The following LINC00305 variants were observed in gnomAD, a reference collection of about 807,000 sequenced individuals.
The protein encoded by LINC00305 is long independently transcribed non-coding RNA 305.
chr18:64,103,667 T>C (rs2051277086), intron 1 of LINC00305, among the ~76,000 whole-genome samples: 1 of 152,254 alleles, frequency 6.6e-6, no homozygotes, highest in African/African-American at 2.4e-5. Context: ...CAAATGTGTT[T>C]GAATTTTTAA....
chr18:64,143,295 A>C (rs1429754456), intron 1 of LINC00305, among the ~76,000 whole-genome samples: 1 of 152,090 alleles, frequency 6.6e-6, no homozygotes, highest in African/African-American at 2.4e-5. Context: ...AAGATTAACA[A>C]AGCACCAAGA....
At chr18:64,122,028 GA>G (rs1249465842) in intron 1 of LINC00305, among the ~76,000 whole-genome samples, 1 of 151,860 alleles carries the variant, frequency 6.6e-6, no homozygotes, top group Non-Finnish European at 1.5e-5. Flanking sequence ...TTTTTAATGG[GA>G]TTACTTCTTT....
In LINC00305 at chr18:64,132,113, A is replaced by C. The variant is rs922030810; in HGVS notation, n.314+16662T>G. On this transcript the variant is annotated intron_variant and non_coding_transcript_variant, in intron 1 of 3. Transcript: ENST00000666468. ...TGTAAATTTTTGGCTTAATGTAAAT[A>C]ATTGTTGCATTTATTTACATAAAAA... Among the ~76,000 whole-genome samples the C allele has an allele frequency of 3.3e-5, 5 of 152,216 alleles. No homozygotes were observed. In the South Asian group the frequency reaches 1.0e-3, roughly 32 times the overall value.
chr18:64,143,453 A>T (rs968163085), intron 1 of LINC00305, among the ~76,000 whole-genome samples: 2 of 150,146 alleles, frequency 1.3e-5, no homozygotes, highest in Admixed American at 6.7e-5. Flanking sequence ...ATATAGTAGT[A>T]GATGGCCTAG....
intron 1 of LINC00305, among the ~76,000 whole-genome samples, chr18:64,123,016 C>A (rs926482112): frequency 1.3e-5 from 2 of 151,952 alleles, no homozygotes; most frequent in African/African-American, 4.8e-5. Flanking sequence ...AGAATTAATA[C>A]TGATTTTTGT....
chr18:64,083,244 G>A (rs2051191448), intron 3 of LINC00305, among the ~76,000 whole-genome samples: 1 of 152,122 alleles, frequency 6.6e-6, no homozygotes, highest in African/African-American at 2.4e-5. Context: ...CTATGGAGGA[G>A]CTCTCCCACC....
At chr18:64,135,150 C>G (rs2051426929) in intron 1 of LINC00305, among the ~76,000 whole-genome samples, 1 of 152,136 alleles carries the variant, frequency 6.6e-6, no homozygotes, top group Non-Finnish European at 1.5e-5. Flanking sequence ...ACAACGTGTT[C>G]TCTTTGTGTG....
At chr18:64,144,428 G>T (rs1398810158) in intron 1 of LINC00305, among the ~76,000 whole-genome samples, 2 of 152,196 alleles carry the variant, frequency 1.3e-5, no homozygotes, top group African/African-American at 2.4e-5. Context: ...CTCCACAAGA[G>T]AATGCAGTGT....
intron 1 of LINC00305, among the ~76,000 whole-genome samples, chr18:64,122,961 TG>T (rs1257930517): frequency 3.9e-5 from 6 of 152,102 alleles, no homozygotes; most frequent in African/African-American, 1.4e-4. Flanking sequence ...CTATTGTAAA[TG>T]GGATTGTCTT....
intron 2 of LINC00305, chr18:64,098,166 C>A: frequency 2.9e-6 from 1 of 342,754 alleles, no homozygotes; most frequent in Non-Finnish European, 5.8e-6. Context: ...TCCATCTAAT[C>A]TGAAGCCTTT....
rs531311712 is a variant in LINC00305 at position 64,094,632 on chromosome 18, G to A, written n.540+3202C>T. Among the ~76,000 whole-genome samples the A allele has an allele frequency of 2.6e-4, 39 of 152,112 alleles. 1 individual carries two copies. The highest frequency in any genetic ancestry group is 5.3e-4 in the Non-Finnish European group (36 of 68,036). On this transcript the variant is annotated intron_variant and non_coding_transcript_variant, in intron 3 of 3. Transcript: ENST00000666468. ...AATCCCAGCACTTTGGGAGGCTGAGGGGGGCAGATCACCTGAAGTCAGGAG... is the reference window on the plus strand; with the variant it reads ...AATCCCAGCACTTTGGGAGGCTGAGAGGGGCAGATCACCTGAAGTCAGGAG...
intron 1 of LINC00305, chr18:64,139,591 G>T (rs1373693619): frequency 6.6e-6 from 1 of 152,198 alleles, no homozygotes; most frequent in African/African-American, 2.4e-5. Context: ...CAATGTACAT[G>T]TGTGTGTATT....
intron 1 of LINC00305, among the ~76,000 whole-genome samples, chr18:64,147,555 C>T (rs138892786): frequency 1.6e-4 from 25 of 152,250 alleles, no homozygotes; most frequent in African/African-American, 5.8e-4. Flanking sequence ...TAACTCATTT[C>T]ATCTTGTTCA....
intron 1 of LINC00305, among the ~76,000 whole-genome samples, chr18:64,132,777 T>C (rs1356441575): frequency 6.6e-6 from 1 of 152,184 alleles, no homozygotes; most frequent in Non-Finnish European, 1.5e-5. Context: ...AAGGGGTGTT[T>C]GCTGTGGGCA....
At chr18:64,146,067 T>TA (rs148612222) in intron 1 of LINC00305, among the ~76,000 whole-genome samples, 10,773 of 152,050 alleles carry the variant, frequency 0.071, 560 homozygotes, top group Non-Finnish European at 0.12. Flanking sequence ...TCTTAGTAAT[T>TA]AAAAAAAACT....
intron 1 of LINC00305, among the ~76,000 whole-genome samples, chr18:64,118,548 C>T (rs2051347775): frequency 6.6e-6 from 1 of 151,978 alleles, no homozygotes; most frequent in Non-Finnish European, 1.5e-5. Flanking sequence ...GACATAACTC[C>T]AAACACTTGG....
intron 1 of LINC00305, among the ~76,000 whole-genome samples, chr18:64,124,880 A>T (rs1447191701): frequency 6.6e-6 from 1 of 152,116 alleles, no homozygotes; most frequent in East Asian, 1.9e-4. Context: ...CAGTGGAATG[A>T]CCAGGCTTCT....
intron 1 of LINC00305, among the ~76,000 whole-genome samples, chr18:64,100,177 G>C (rs1441067879): frequency 6.6e-6 from 1 of 151,592 alleles, no homozygotes; most frequent in Non-Finnish European, 1.5e-5. Flanking sequence ...TGGTTGTTAT[G>C]ACAGGATTCT....
Position 64,096,884 on chromosome 18 carries a change from GT to G in LINC00305, n.540+949del, listed in dbSNP as rs1360704345. ...AAAATGTTTAATGAACACAAAGTTA[GT>G]TTACAGAGAAGTACAATAATAATAA... On this transcript the variant is annotated intron_variant and non_coding_transcript_variant, in intron 3 of 3. Coordinates refer to ENST00000666468, the Ensembl canonical transcript of LINC00305. Among the ~76,000 whole-genome samples, 121 of 151,924 alleles carry G rather than the reference GT, an allele frequency of 8.0e-4. 1 individual carries two copies. Among genetic ancestry groups the G allele is most frequent in the African/African-American group, 2.9e-3 (119 of 41,492 alleles).
Sources: gnomAD v4.1 joint callset for allele counts (sites outside exome capture counted in the v4.1 genomes callset) on GRCh38, gnomAD v4.1.1 for gene constraint, MANE v1.5 for transcripts, NCBI Gene and HGNC (gene_info 2026-07-23, HGNC 2026-07-21) for gene names.